KCNT2: variants seen among roughly 807,000 people sequenced by gnomAD.
KCNT2 encodes the protein potassium channel subfamily T member 2.
Under a neutral mutation model 153.8 loss-of-function variants are expected in KCNT2, and 67 were observed. The observed-to-expected ratio is 0.44, with a 90% CI of 0.36 to 0.53. The LOEUF (loss-of-function observed/expected upper bound fraction) is 0.53. KCNT2 is among the 20% of genes least tolerant of loss of function. The pLI, the probability that KCNT2 is intolerant of heterozygous loss-of-function variation, is 0.00. For synonymous variants in KCNT2, 500 were observed against 458.8 expected, an observed-to-expected ratio of 1.09 and a Z score of -1.15; for missense variants, 975 against 1,354.8, an observed-to-expected ratio of 0.72 and a Z score of 4.40.
intron 1 of KCNT2, among the ~76,000 whole-genome samples, chr1:196,493,717 T>C (rs1360142998): frequency 2.0e-5 from 3 of 152,160 alleles, no homozygotes; most frequent in Non-Finnish European, 4.4e-5. Flanking sequence ...CCCCATTGTG[T>C]GATGTTACCC....
intron 26 of KCNT2, among the ~76,000 whole-genome samples, chr1:196,241,994 G>T (rs1468787615): frequency 1.3e-5 from 2 of 152,008 alleles, no homozygotes; most frequent in Non-Finnish European, 2.9e-5. Flanking sequence ...AAATATATAT[G>T]ATTTCTTCAA....
intron 1 of KCNT2, among the ~76,000 whole-genome samples, chr1:196,536,530 G>A (rs1655597763): frequency 6.6e-6 from 1 of 152,190 alleles, no homozygotes; most frequent in Non-Finnish European, 1.5e-5. Context: ...CCATGTCTAG[G>A]GGTGCCTCAG....
chr1:196,394,818 T>C (rs1049505796), intron 13 of KCNT2, among the ~76,000 whole-genome samples: 2 of 151,562 alleles, frequency 1.3e-5, no homozygotes, highest in Non-Finnish European at 3.0e-5. Context: ...ACTGCCATTT[T>C]TATGATTTCC....
chr1:196,390,779 A>T (rs898638538), intron 13 of KCNT2, among the ~76,000 whole-genome samples: 3 of 151,338 alleles, frequency 2.0e-5, no homozygotes, highest in African/African-American at 7.3e-5. Context: ...GTATGTGCAC[A>T]ATATGAAGTT....
At chr1:196,569,657 T>G (rs1660530285) in intron 1 of KCNT2, among the ~76,000 whole-genome samples, 1 of 152,070 alleles carries the variant, frequency 6.6e-6, no homozygotes, top group Non-Finnish European at 1.5e-5. Flanking sequence ...TTCAGACTTC[T>G]GGAGAGAGCT....
chr1:196,601,383 G>A (rs757602907), intron 1 of KCNT2, among the ~76,000 whole-genome samples: 1 of 152,026 alleles, frequency 6.6e-6, no homozygotes, highest in Non-Finnish European at 1.5e-5. Flanking sequence ...ATCTAATATC[G>A]GTTTCCACTA....
At chr1:196,501,550 A>T (rs1454336483) in intron 1 of KCNT2, among the ~76,000 whole-genome samples, 2 of 152,224 alleles carry the variant, frequency 1.3e-5, no homozygotes, top group Non-Finnish European at 2.9e-5. Context: ...ATGGGTACAC[A>T]TGGACATACA....
At chr1:196,497,764 A>G (rs1184896649) in intron 1 of KCNT2, among the ~76,000 whole-genome samples, 1 of 152,156 alleles carries the variant, frequency 6.6e-6, no homozygotes, top group African/African-American at 2.4e-5. Flanking sequence ...GATTTGGTGA[A>G]TTACTTCAAC....
chr1:196,240,891 T>C (rs907724923), intron 26 of KCNT2, among the ~76,000 whole-genome samples: 4 of 152,048 alleles, frequency 2.6e-5, no homozygotes, highest in Non-Finnish European at 5.9e-5. Flanking sequence ...ATTAACTTTG[T>C]GTGGGACAAG....
At chr1:196,419,180 TTTA>T (rs1672990515) in intron 12 of KCNT2, among the ~76,000 whole-genome samples, 2 of 151,322 alleles carry the variant, frequency 1.3e-5, no homozygotes, top group Admixed American at 6.6e-5. Flanking sequence ...TTTTATTTAT[TTTA>T]TTATTATTAT....
At chr1:196,500,266 AAGGAAGGAAGGAAGGGAGGGAGGG>A (rs1680578947) in intron 1 of KCNT2, among the ~76,000 whole-genome samples, 3 of 29,038 alleles carry the variant, frequency 1.0e-4, no homozygotes, top group Non-Finnish European at 3.4e-4. Context: ...GGAAGGAAGG[AAGGAAGGAAGGAAGGGAGGGAGGG>A]AGGGAGGGAG....
In KCNT2 at chr1:196,268,190, G is replaced by A. The variant is rs531893889; in HGVS notation, c.2911-9696C>T. ...GGTTTGGCCATCTGGTCCAGCCAACGGCAGAAACAATTCCTAATCCAAGGT... is the reference window on the plus strand; with the variant it reads ...GGTTTGGCCATCTGGTCCAGCCAACAGCAGAAACAATTCCTAATCCAAGGT... On this transcript the variant is annotated intron_variant, in intron 25 of 27. Transcript: ENST00000294725. Among the ~76,000 whole-genome samples the A allele has an allele frequency of 1.1e-3, 172 of 152,210 alleles. 1 individual carries two copies. The highest frequency in any genetic ancestry group is 5.8e-3 in the Admixed American group (89 of 15,270).
In KCNT2 at chr1:196,426,000, A is replaced by C; in HGVS notation, c.985-12T>G. The C allele has an allele frequency of 6.2e-7, 1 of 1,608,402 alleles. No individual in the cohort carries two copies. Among genetic ancestry groups the C allele is most frequent in the South Asian group, 1.1e-5 (1 of 90,564 alleles). On this transcript the variant is annotated splice_polypyrimidine_tract_variant and intron_variant, in intron 10 of 27. Coordinates refer to ENST00000294725, the MANE Select transcript of KCNT2 (RefSeq NM_198503.5). ...ACCACATAATAATCCTATTCAAAAC[A>C]AAATGGGCAATGGAATAGAAACAAA...
chr1:196,460,941 A>T (rs1250334818), intron 8 of KCNT2, among the ~76,000 whole-genome samples: 1 of 151,804 alleles, frequency 6.6e-6, no homozygotes, highest in Non-Finnish European at 1.5e-5. Context: ...CCATAGCAGG[A>T]AGAATAAGGA....
chr1:196,582,527 A>C (rs1662190994), intron 1 of KCNT2: 2 of 154,228 alleles, frequency 1.3e-5, no homozygotes, highest in South Asian at 2.0e-4. Context: ...TGGAGCTGAG[A>C]TTTTTAGAAG....
At chr1:196,453,460 A>G (rs192359447) in intron 8 of KCNT2, among the ~76,000 whole-genome samples, 15 of 152,048 alleles carry the variant, frequency 9.9e-5, no homozygotes, top group Non-Finnish European at 1.8e-4. Flanking sequence ...GAAAATTCTC[A>G]TATTCTTATT....
chr1:196,289,204 G>A (rs1305611931), intron 22 of KCNT2, among the ~76,000 whole-genome samples: 1 of 151,902 alleles, frequency 6.6e-6, no homozygotes, highest in Admixed American at 6.6e-5. Context: ...GACTAGGCTG[G>A]TGTTATCATT....
At chr1:196,529,154 A>C (rs1307941879) in intron 1 of KCNT2, among the ~76,000 whole-genome samples, 1 of 152,138 alleles carries the variant, frequency 6.6e-6, no homozygotes, top group Non-Finnish European at 1.5e-5. Flanking sequence ...AATAAATGCG[A>C]AACTGAATAT....
intron 25 of KCNT2, among the ~76,000 whole-genome samples, chr1:196,265,732 T>C (rs941511952): frequency 6.6e-6 from 1 of 152,194 alleles, no homozygotes; most frequent in Admixed American, 6.5e-5. Context: ...CCCCAAAAAA[T>C]GCTTCTGCTA....
Sources: allele counts gnomAD v4.1 joint callset (sites outside exome capture counted in the v4.1 genomes callset), GRCh38; gene constraint gnomAD v4.1.1; transcripts MANE v1.5; gene names NCBI Gene and HGNC (gene_info 2026-07-23, HGNC 2026-07-21).